Variants in MBD5 observed in about 807,000 individuals in gnomAD.
The protein encoded by MBD5 is methyl-CpG binding domain protein 5, also known as methyl-CpG-binding domain protein 5.
In MBD5, 13 loss-of-function variants were observed where a neutral mutation model predicts 117.3. The observed-to-expected ratio is 0.11, with a 90% CI of 0.07 to 0.18. The LOEUF (loss-of-function observed/expected upper bound fraction) is 0.18, where lower values mean the gene tolerates loss of function less well. Ranked by LOEUF, MBD5 falls within the 10% of genes least tolerant of loss-of-function variation. MBD5 has a pLI of 1.00. For missense variants in MBD5, 1,879 were observed against 2,093.8 expected, an observed-to-expected ratio of 0.90 and a Z score of 2.00; for synonymous variants, 727 against 766.4, an observed-to-expected ratio of 0.95 and a Z score of 0.85.
At chr2:148,082,126 C>A (rs915860869) in intron 1 of MBD5, among the ~76,000 whole-genome samples, 1 of 152,164 alleles carries the variant, frequency 6.6e-6, no homozygotes, top group African/African-American at 2.4e-5. Context: ...AGAGGCATTT[C>A]TCATGAATCC....
chr2:148,359,223 C>T (rs1463151922), intron 4 of MBD5, among the ~76,000 whole-genome samples: 1 of 149,994 alleles, frequency 6.7e-6, no homozygotes, highest in Non-Finnish European at 1.5e-5. Context: ...GGCATTATCA[C>T]ACCACTGCAC....
chr2:148,063,943 C>T (rs1695108331), intron 1 of MBD5, among the ~76,000 whole-genome samples: 1 of 151,918 alleles, frequency 6.6e-6, no homozygotes, highest in Non-Finnish European at 1.5e-5. Flanking sequence ...TTTTCTCCTA[C>T]CATTGCCACC....
chr2:148,427,682 T>G (rs1264809355), intron 4 of MBD5, among the ~76,000 whole-genome samples: 1 of 152,016 alleles, frequency 6.6e-6, no homozygotes, highest in Admixed American at 6.6e-5. Context: ...GAGATATACC[T>G]AATGTTAAAT....
chr2:148,163,378 G>A (rs762935333), intron 1 of MBD5, among the ~76,000 whole-genome samples: 15 of 152,094 alleles, frequency 9.9e-5, no homozygotes, highest in South Asian at 4.1e-4. Context: ...GTTAATTTGC[G>A]GATGATCAGA....
chr2:148,414,590 A>C (rs1705365321), intron 4 of MBD5, among the ~76,000 whole-genome samples: 1 of 151,888 alleles, frequency 6.6e-6, no homozygotes, highest in South Asian at 2.1e-4. Context: ...ATAGCGTGGG[A>C]CTCTACATCT....
At chr2:148,350,772 T>C (rs1411111396) in intron 4 of MBD5, among the ~76,000 whole-genome samples, 1 of 152,046 alleles carries the variant, frequency 6.6e-6, no homozygotes, top group Non-Finnish European at 1.5e-5. Flanking sequence ...TTGCAGTCCT[T>C]TCCCTGTTCT....
intron 4 of MBD5, among the ~76,000 whole-genome samples, chr2:148,441,098 A>T (rs1035706899): frequency 3.0e-4 from 46 of 151,766 alleles, no homozygotes; most frequent in Non-Finnish European, 1.2e-4. Flanking sequence ...CCTAAGTGTT[A>T]TTTTAATTTT....
intron 1 of MBD5, among the ~76,000 whole-genome samples, chr2:148,163,581 A>G (rs1208611844): frequency 6.6e-6 from 1 of 152,038 alleles, no homozygotes; most frequent in Non-Finnish European, 1.5e-5. Context: ...ACGCCTGGCT[A>G]ATTTTGTATT....
intron 4 of MBD5, among the ~76,000 whole-genome samples, chr2:148,366,325 C>A (rs1350873857): frequency 1.5e-5 from 1 of 68,488 alleles, no homozygotes; most frequent in Admixed American, 1.4e-4. Flanking sequence ...TGGAACGTAT[C>A]TCAAAATAAT....
At chr2:148,324,832 C>G (rs1163847449) in intron 3 of MBD5, among the ~76,000 whole-genome samples, 3 of 152,098 alleles carry the variant, frequency 2.0e-5, no homozygotes, top group Non-Finnish European at 2.9e-5. Context: ...TTATTTCCTT[C>G]TCCTGCCTAA....
At chr2:148,460,077 A>G (rs1403326661) in intron 5 of MBD5, 1 of 152,190 alleles carries the variant, frequency 6.6e-6, no homozygotes, top group Non-Finnish European at 1.5e-5. Context: ...TGTTATAAAT[A>G]TAATATAGCA....
chr2:148,399,835 C>T lies in MBD5; in HGVS notation c.-557+57499C>T, dbSNP rs184500468. Among the ~76,000 whole-genome samples the T allele has an allele frequency of 2.8e-4, 42 of 152,230 alleles. 1 individual carries two copies. In the East Asian group the frequency reaches 7.5e-3, roughly 27 times the overall value. On this transcript the variant is annotated intron_variant, in intron 4 of 13. Coordinates refer to ENST00000642680, the MANE Select transcript of MBD5 (RefSeq NM_001378120.1). ...TATTTTGAGATACATCCCATCCATACCTAATGTATTGAGAGTTTTTAGCAT... is the reference window on the plus strand; with the variant it reads ...TATTTTGAGATACATCCCATCCATATCTAATGTATTGAGAGTTTTTAGCAT...
intron 4 of MBD5, among the ~76,000 whole-genome samples, chr2:148,362,020 C>T (rs868281986): frequency 3.9e-5 from 6 of 152,326 alleles, no homozygotes; most frequent in Middle Eastern, 6.8e-3. Flanking sequence ...CGGGTGCCTA[C>T]ACCACCAGGG....
intron 3 of MBD5, among the ~76,000 whole-genome samples, chr2:148,242,494 C>G (rs1700235794): frequency 6.6e-6 from 1 of 151,932 alleles, no homozygotes; most frequent in Admixed American, 6.6e-5. Flanking sequence ...GGGCTGTGTC[C>G]TTTTTCTCTT....
chr2:148,155,109 A>T (rs1311268261), intron 1 of MBD5, among the ~76,000 whole-genome samples: 1 of 152,246 alleles, frequency 6.6e-6, no homozygotes, highest in Non-Finnish European at 1.5e-5. Context: ...TGTGTCTGAT[A>T]TTGACAAATT....
At chr2:148,292,883 T>C (rs114880854) in intron 3 of MBD5, among the ~76,000 whole-genome samples, 1,904 of 146,586 alleles carry the variant, frequency 0.013, 38 homozygotes, top group African/African-American at 0.045. Context: ...CAGAGTACCA[T>C]TCAGCCATAA....
At chr2:148,379,411 A>G (rs1704073779) in intron 4 of MBD5, among the ~76,000 whole-genome samples, 2 of 152,126 alleles carry the variant, frequency 1.3e-5, no homozygotes, top group African/African-American at 4.8e-5. Context: ...ATGCCCACCA[A>G]AACTTTACTT....
At chr2:148,365,901 A>G (rs1409610118) in intron 4 of MBD5, among the ~76,000 whole-genome samples, 1 of 152,154 alleles carries the variant, frequency 6.6e-6, no homozygotes, top group Admixed American at 6.5e-5. Flanking sequence ...AGAAGTACAA[A>G]GAGGAGCTGG....
chr2:148,490,046 T>C lies in MBD5; in HGVS notation c.4414T>C (p.Phe1472Leu). The C allele has an allele frequency of 3.1e-6, 5 of 1,613,970 alleles. No homozygotes were observed. The highest frequency in any genetic ancestry group is 4.2e-6 in the Non-Finnish European group (5 of 1,179,988). ...GCCCAACAATGTCTCTACACTGCCA[T>C]TTCTGCCTGGGGAACAGCACCCAAT... is the stretch of plus-strand genomic sequence containing the variant. ...ERPNNVSTLP[F>L]LPGEQHPILL... is the part of the protein sequence containing the mutation. The change falls in exon 11 of 14, where the codon TTT becomes CTT. Residue 1472 changes from phenylalanine to leucine, a missense_variant. Phe to Leu is a conservative substitution (Grantham distance 22). Transcript: ENST00000642680.
Sources: gnomAD v4.1 joint callset for allele counts (sites outside exome capture counted in the v4.1 genomes callset) on GRCh38, gnomAD v4.1.1 for gene constraint, MANE v1.5 for transcripts, NCBI Gene and HGNC (gene_info 2026-07-23, HGNC 2026-07-21) for gene names.